TRA2A: variants seen among roughly 807,000 people sequenced by gnomAD.
TRA2A encodes the protein transformer 2 alpha homolog.
TRA2A carries 31 observed loss-of-function variants against 45.7 expected under a neutral mutation model. That is an observed-to-expected ratio of 0.68 (90% CI 0.51 to 0.92). The LOEUF (loss-of-function observed/expected upper bound fraction) is 0.92, where lower values mean the gene tolerates loss of function less well. Ranked by LOEUF, TRA2A falls within the 40% of genes least tolerant of loss-of-function variation. The pLI is 0.00. For missense variants in TRA2A, 304 were observed against 367.5 expected (o/e 0.83, Z 1.41); for synonymous variants, 132 against 126.2 (o/e 1.05, Z -0.31).
intron 4 of TRA2A, among the ~76,000 whole-genome samples, chr7:23,507,860 T>C (rs1789414807): frequency 1.3e-5 from 2 of 152,178 alleles, no homozygotes; most frequent in African/African-American, 4.8e-5. Flanking sequence ...TCTGGTTCAA[T>C]TCCCATTCCC....
At position 23,505,506 on chromosome 7, in the gene TRA2A, A is replaced by G; in HGVS notation, c.*53T>C. On this transcript the variant is annotated 3_prime_UTR_variant, in exon 8 of 8. Transcript: ENST00000297071. ...CTTGGGGAAATCTCAGAATTAAAAA[A>G]AAAAAAAAAAAAAAGAGGAAAAAAA... The G allele has an allele frequency of 1.9e-6, 1 of 535,268 alleles. No individual in the cohort carries two copies. 33.2% of individuals were successfully genotyped at this position (535,268 alleles called of 1,614,324 possible).
intron 1 of TRA2A, among the ~76,000 whole-genome samples, chr7:23,526,691 G>A (rs144611642): frequency 3.3e-5 from 5 of 152,130 alleles, no homozygotes; most frequent in Admixed American, 2.0e-4. Context: ...TTCTTAAACC[G>A]TAACTGCTAT....
rs986750349 is a variant in TRA2A at position 23,505,446 on chromosome 7, A to G, written c.*113T>C. 3.7e-6 allele frequency: 2 copies of G among 536,744 alleles called. No homozygotes were observed. Among genetic ancestry groups the G allele is most frequent in the Non-Finnish European group, 6.7e-6 (2 of 299,354 alleles). The allele number at this position is 536,744 out of a possible 1,614,324, so 33.2% of individuals were successfully genotyped here. A position where few individuals can be genotyped will look rare whatever the true frequency, so the allele number is the denominator to read the frequency against. On this transcript the variant is annotated 3_prime_UTR_variant, in exon 8 of 8. Transcript: ENST00000297071. ...AAAAGTGTAGATGCTAAATAAACCA[A>G]AGTTTTTTTCTTAAGGAGTAGGAAG...
chr7:23,512,535 T>C (rs1789672106), intron 4 of TRA2A, among the ~76,000 whole-genome samples: 1 of 152,082 alleles, frequency 6.6e-6, no homozygotes, highest in Admixed American at 6.6e-5. Context: ...CTCGGCTCAC[T>C]GTAAGCTCTG....
At chr7:23,506,801 A>G (rs893434656) in intron 5 of TRA2A, among the ~76,000 whole-genome samples, 2 of 152,150 alleles carry the variant, frequency 1.3e-5, no homozygotes, top group Non-Finnish European at 2.9e-5. Context: ...TTTGAGACGG[A>G]GTCTTGCTCT....
intron 4 of TRA2A, among the ~76,000 whole-genome samples, chr7:23,508,865 C>T (rs181775245): frequency 1.3e-5 from 2 of 152,040 alleles, no homozygotes; most frequent in Non-Finnish European, 2.9e-5. Context: ...CCTCAAGTGG[C>T]CTTCCCACCT....
At chr7:23,518,531 G>A (rs1464978415) in intron 2 of TRA2A, among the ~76,000 whole-genome samples, 4 of 151,798 alleles carry the variant, frequency 2.6e-5, no homozygotes, top group East Asian at 3.9e-4. Context: ...TAGTAGAGAC[G>A]GGGTTTCCAC....
chr7:23,531,224 C>T, intron 1 of TRA2A: 1 of 987,158 alleles, frequency 1.0e-6, no homozygotes, highest in Non-Finnish European at 1.2e-6. Flanking sequence ...AGGCTTTCGC[C>T]TTTTTAGACG....
At chr7:23,515,128 T>C (rs1006236708) in intron 3 of TRA2A, among the ~76,000 whole-genome samples, 1 of 152,200 alleles carries the variant, frequency 6.6e-6, no homozygotes, top group African/African-American at 2.4e-5. Context: ...TTTTTAATAT[T>C]TCTTTGACCC....
In TRA2A at chr7:23,507,551, A is replaced by G. The variant is rs1341036778; in HGVS notation, c.526-16T>C. ...TTTCCATAGCCTATAAAGAACAGGC[A>G]CAAAAAGTCACGTATAATTCACCAG... On this transcript the variant is annotated splice_polypyrimidine_tract_variant and intron_variant, in intron 4 of 7. Coordinates refer to ENST00000297071, the MANE Select transcript of TRA2A (RefSeq NM_013293.5). 5 of 1,556,518 alleles carry G rather than the reference A, an allele frequency of 3.2e-6. No homozygotes were observed. Among genetic ancestry groups the G allele is most frequent in the Non-Finnish European group, 4.4e-6 (5 of 1,127,772 alleles).
Position 23,505,773 on chromosome 7 carries a change from G to A in TRA2A, c.811C>T (p.Arg271Ter), listed in dbSNP as rs1307067051. ...PSPYYSRYRSRSRSRSYSPRR... is the reference protein window; with the variant it reads ...PSPYYSRYRS Reference sequence around the variant, plus strand: ...GGGCTGTAGGAACGAGATCTTGATCGTGATCTATATCGACTATAATAAGGA... The same window carrying A: ...GGGCTGTAGGAACGAGATCTTGATCATGATCTATATCGACTATAATAAGGA... Residue 271 changes from arginine (R) to a stop codon, truncating the protein, a stop_gained, in exon 7 of 8, where the codon CGA becomes TGA. Transcript: ENST00000297071. LOFTEE classifies it high-confidence loss of function. The A allele has an allele frequency of 1.3e-6, 2 of 1,561,278 alleles. No homozygotes were observed. The highest frequency in any genetic ancestry group is 1.2e-5 in the South Asian group (1 of 81,398).
intron 4 of TRA2A, among the ~76,000 whole-genome samples, chr7:23,508,008 A>T (rs1261356663): frequency 6.6e-6 from 1 of 152,114 alleles, no homozygotes; most frequent in African/African-American, 2.4e-5. Context: ...TCAGAACATT[A>T]AAAAGGGTTT....
chr7:23,520,719 G>C (rs1267048910), intron 2 of TRA2A, among the ~76,000 whole-genome samples: 13 of 139,686 alleles, frequency 9.3e-5, no homozygotes, highest in Admixed American at 2.3e-4. Flanking sequence ...AAAAGAAAGA[G>C]TCTCTCTGTC....
intron 2 of TRA2A, among the ~76,000 whole-genome samples, chr7:23,520,201 G>A (rs1334276349): frequency 1.3e-5 from 2 of 152,348 alleles, no homozygotes; most frequent in East Asian, 3.9e-4. Flanking sequence ...GGGCAACAGA[G>A]CGAGACTCCA....
At chr7:23,521,178 G>A (rs1284303354) in intron 2 of TRA2A, among the ~76,000 whole-genome samples, 1 of 152,186 alleles carries the variant, frequency 6.6e-6, no homozygotes, top group Non-Finnish European at 1.5e-5. Context: ...AGATAAAAAT[G>A]TAGCTGGAAT....
chr7:23,515,126 A>G (rs1429756972), intron 3 of TRA2A, among the ~76,000 whole-genome samples: 3 of 151,468 alleles, frequency 2.0e-5, no homozygotes, highest in Non-Finnish European at 4.4e-5. Flanking sequence ...AGTTTTTAAT[A>G]TTTCTTTGAC....
intron 5 of TRA2A, 68 bp from the exon 6 acceptor site, chr7:23,506,334 T>C: frequency 1.4e-6 from 2 of 1,423,646 alleles, no homozygotes; most frequent in South Asian, 1.6e-5. Flanking sequence ...TAATACAAAT[T>C]GAATGGCTTA....
intron 2 of TRA2A, among the ~76,000 whole-genome samples, chr7:23,519,510 C>G (rs924638063): frequency 6.6e-6 from 1 of 152,058 alleles, no homozygotes; most frequent in Non-Finnish European, 1.5e-5. Flanking sequence ...GAGCCAAGAT[C>G]ACACCACTGC....
At chr7:23,506,927 C>A (rs191093243) in intron 5 of TRA2A, among the ~76,000 whole-genome samples, 4 of 152,046 alleles carry the variant, frequency 2.6e-5, no homozygotes, top group Non-Finnish European at 5.9e-5. Context: ...AGGTGCCTGC[C>A]ACCATGCCCA....
Sources: gnomAD v4.1 joint callset for allele counts (sites outside exome capture counted in the v4.1 genomes callset) on GRCh38, gnomAD v4.1.1 for gene constraint, MANE v1.5 for transcripts, NCBI Gene and HGNC (gene_info 2026-07-23, HGNC 2026-07-21) for gene names.